The following CLSTN2 variants were observed in gnomAD, a reference collection of about 807,000 sequenced individuals.
CLSTN2 encodes calsyntenin-2.
CLSTN2 carries 48 observed loss-of-function variants against 101.2 expected under a neutral mutation model. The observed-to-expected ratio is 0.47, with a 90% CI of 0.38 to 0.60. CLSTN2 has a LOEUF of 0.60. Ranked by LOEUF, CLSTN2 falls within the 20% of genes least tolerant of loss-of-function variation. CLSTN2 has a pLI of 0.00. For missense variants in CLSTN2, 1,160 were observed against 1,238.2 expected, an observed-to-expected ratio of 0.94 and a Z score of 0.95; for synonymous variants, 481 against 463.6, an observed-to-expected ratio of 1.04 and a Z score of -0.48.
chr3:140,532,051 C>G (rs551908396), intron 8 of CLSTN2, among the ~76,000 whole-genome samples: 218 of 152,274 alleles, frequency 1.4e-3, no homozygotes, highest in African/African-American at 5.1e-3. Context: ...CTCTGCCTCC[C>G]CAGGTGCACC....
At chr3:140,214,096 A>G (rs189711792) in intron 2 of CLSTN2, among the ~76,000 whole-genome samples, 1 of 152,120 alleles carries the variant, frequency 6.6e-6, no homozygotes, top group African/African-American at 2.4e-5. Flanking sequence ...AGTCAACTCT[A>G]CTAGATTTGT....
intron 2 of CLSTN2, among the ~76,000 whole-genome samples, chr3:140,383,045 C>T (rs542163057): frequency 6.6e-6 from 1 of 152,256 alleles, no homozygotes; most frequent in Admixed American, 6.5e-5. Flanking sequence ...AGAGGAAACA[C>T]CAGAAGATGA....
chr3:140,342,478 G>A (rs1008413685), intron 2 of CLSTN2, among the ~76,000 whole-genome samples: 2 of 152,026 alleles, frequency 1.3e-5, no homozygotes, highest in Non-Finnish European at 2.9e-5. Context: ...TACACTTCCA[G>A]CTTGTGTAGG....
intron 2 of CLSTN2, among the ~76,000 whole-genome samples, chr3:140,304,940 A>G (rs901002324): frequency 3.9e-5 from 6 of 152,012 alleles, no homozygotes; most frequent in African/African-American, 1.4e-4. Context: ...CGATTGTCCA[A>G]TGCCCTGAAT....
rs2087114725 is a variant in CLSTN2 at position 140,306,449 on chromosome 3, T to C, written c.233-97180T>C. On this transcript the variant is annotated intron_variant, in intron 2 of 16. Transcript: ENST00000458420. ...TATTGCCAACTGATCCCAGCTACAC[T>C]ATGCTGTGGTCTTGGGTAAGTTATT... Among the ~76,000 whole-genome samples, 5 of 152,086 alleles carry C rather than the reference T, an allele frequency of 3.3e-5. No individual in the cohort carries two copies. The South Asian group carries it at 6.2e-4, about 19-fold the overall frequency.
chr3:139,996,358 A>G (rs2006658780), intron 1 of CLSTN2, among the ~76,000 whole-genome samples: 1 of 152,188 alleles, frequency 6.6e-6, no homozygotes, highest in Admixed American at 6.5e-5. Context: ...CACATTTACA[A>G]GATAATGCCA....
At chr3:140,501,071 T>C (rs1934565165) in intron 8 of CLSTN2, among the ~76,000 whole-genome samples, 1 of 152,176 alleles carries the variant, frequency 6.6e-6, no homozygotes, top group Non-Finnish European at 1.5e-5. Flanking sequence ...ATCTTGCTGT[T>C]GAGAGAGCCA....
At chr3:140,263,490 A>C (rs1185722229) in intron 2 of CLSTN2, among the ~76,000 whole-genome samples, 2 of 152,144 alleles carry the variant, frequency 1.3e-5, no homozygotes, top group African/African-American at 4.8e-5. Context: ...ATTGCTCTAG[A>C]AGGAGGGCCC....
intron 1 of CLSTN2, among the ~76,000 whole-genome samples, chr3:140,131,305 A>ATT (rs34582203): frequency 2.4e-4 from 36 of 150,688 alleles, no homozygotes; most frequent in Middle Eastern, 3.4e-3. Context: ...TTTCTTTATG[A>ATT]TTTTTTTTTA....
intron 1 of CLSTN2, among the ~76,000 whole-genome samples, chr3:140,134,483 A>G (rs1160771660): frequency 6.6e-6 from 1 of 152,138 alleles, no homozygotes; most frequent in African/African-American, 2.4e-5. Context: ...GGGGCTCATA[A>G]GGCCCTCCAA....
chr3:139,949,001 TGGA>T (rs983305808), intron 1 of CLSTN2, among the ~76,000 whole-genome samples: 3 of 152,182 alleles, frequency 2.0e-5, no homozygotes, highest in Non-Finnish European at 2.9e-5. Flanking sequence ...GTTTTCTGCC[TGGA>T]GGAGTTTTCC....
intron 2 of CLSTN2, among the ~76,000 whole-genome samples, chr3:140,350,069 T>A (rs1386526717): frequency 6.6e-6 from 1 of 152,220 alleles, no homozygotes; most frequent in Non-Finnish European, 1.5e-5. Context: ...TTAATGAACC[T>A]CTTTTTACTA....
At chr3:140,330,913 A>G (rs547717270) in intron 2 of CLSTN2, among the ~76,000 whole-genome samples, 1 of 152,320 alleles carries the variant, frequency 6.6e-6, no homozygotes, top group South Asian at 2.1e-4. Context: ...TGTATTAATC[A>G]GGGTTCTCCA....
chr3:140,459,916 T>C, intron 7 of CLSTN2, 147 bp downstream of exon 7: 1 of 950,988 alleles, frequency 1.1e-6, no homozygotes, highest in Non-Finnish European at 1.6e-6. Flanking sequence ...TTCTGGTCTC[T>C]GGTTTTCTGG....
intron 4 of CLSTN2, among the ~76,000 whole-genome samples, chr3:140,409,537 A>C: frequency 6.6e-6 from 1 of 152,054 alleles, no homozygotes; most frequent in Non-Finnish European, 1.5e-5. Context: ...ACCCTCACCT[A>C]CCCATAGGTG....
At chr3:140,173,777 T>C (rs1156481048) in intron 1 of CLSTN2, among the ~76,000 whole-genome samples, 5 of 152,122 alleles carry the variant, frequency 3.3e-5, no homozygotes, top group African/African-American at 1.2e-4. Context: ...TGGCCTGAGC[T>C]CTATGTTGGC....
intron 1 of CLSTN2, among the ~76,000 whole-genome samples, chr3:140,052,117 G>A (rs1325120054): frequency 6.6e-6 from 1 of 152,184 alleles, no homozygotes; most frequent in East Asian, 1.9e-4. Flanking sequence ...GGCTGAGTCT[G>A]TGCAGTGGGC....
At chr3:140,488,664 T>A (rs935974904) in intron 8 of CLSTN2, among the ~76,000 whole-genome samples, 43 of 118,300 alleles carry the variant, frequency 3.6e-4, no homozygotes, top group Non-Finnish European at 7.0e-4. Flanking sequence ...TTTTTTTTTT[T>A]AGCAGCAGCT....
At chr3:140,359,481 G>GA (rs577784919) in intron 2 of CLSTN2, among the ~76,000 whole-genome samples, 1 of 152,264 alleles carries the variant, frequency 6.6e-6, no homozygotes, top group African/African-American at 2.4e-5. Flanking sequence ...AAAGGAGAAG[G>GA]AAAAAGGAAT....
Sources: gnomAD v4.1 joint callset for allele counts (sites outside exome capture counted in the v4.1 genomes callset) on GRCh38, gnomAD v4.1.1 for gene constraint, MANE v1.5 for transcripts, NCBI Gene and HGNC (gene_info 2026-07-23, HGNC 2026-07-21) for gene names.